Variants in DPP10 observed in about 807,000 individuals in gnomAD.
The protein encoded by DPP10 is inactive dipeptidyl peptidase 10.
DPP10 carries 33 observed loss-of-function variants against 120.9 expected under a neutral mutation model. That is an observed-to-expected ratio of 0.27 (90% CI 0.21 to 0.37). DPP10 has a LOEUF of 0.37. DPP10 is among the 10% of genes least tolerant of loss of function. The probability of loss-of-function intolerance (pLI) is 1.00; values close to 1 mark genes in which losing one functional copy is unlikely to be tolerated. For missense variants in DPP10, 816 were observed against 942.8 expected, an observed-to-expected ratio of 0.87 and a Z score of 1.76; for synonymous variants, 337 against 326.1, an observed-to-expected ratio of 1.03 and a Z score of -0.36.
At chr2:115,398,120 C>G (rs190962018) in intron 3 of DPP10, among the ~76,000 whole-genome samples, 80 of 151,876 alleles carry the variant, frequency 5.3e-4, no homozygotes, top group African/African-American at 1.8e-3. Flanking sequence ...CTTAAAAACT[C>G]ATGGTTTAGA....
intron 1 of DPP10, among the ~76,000 whole-genome samples, chr2:114,453,400 C>T (rs1483957861): frequency 6.6e-6 from 1 of 151,898 alleles, no homozygotes; most frequent in Non-Finnish European, 1.5e-5. Flanking sequence ...GTTTTCTTTC[C>T]TTCATTTCTT....
At chr2:114,623,159 G>A (rs1289195184) in intron 1 of DPP10, among the ~76,000 whole-genome samples, 1 of 152,098 alleles carries the variant, frequency 6.6e-6, no homozygotes, top group East Asian at 1.9e-4. Flanking sequence ...GACCCATGAG[G>A]ATGGTGCAGT....
chr2:114,699,890 A>T (rs547235211), intron 1 of DPP10, among the ~76,000 whole-genome samples: 1 of 152,188 alleles, frequency 6.6e-6, no homozygotes, highest in Non-Finnish European at 1.5e-5. Context: ...TTTGTAATCT[A>T]TTAGTTACGA....
chr2:114,762,162 T>C (rs1371865712), intron 1 of DPP10, among the ~76,000 whole-genome samples: 1 of 152,344 alleles, frequency 6.6e-6, no homozygotes, highest in South Asian at 2.1e-4. Flanking sequence ...GTTTGGCACA[T>C]TCTTAAGGTA....
chr2:115,180,554 A>G (rs530359088), intron 1 of DPP10, among the ~76,000 whole-genome samples: 1 of 152,308 alleles, frequency 6.6e-6, no homozygotes, highest in African/African-American at 2.4e-5. Flanking sequence ...GAAGTTTAAT[A>G]GGAAGTCAGG....
chr2:114,670,438 C>A (rs911649460), intron 1 of DPP10, among the ~76,000 whole-genome samples: 4 of 151,840 alleles, frequency 2.6e-5, no homozygotes, highest in Non-Finnish European at 4.4e-5. Flanking sequence ...GGACAAAAAA[C>A]CAAACACCGC....
chr2:115,586,517 T>C (rs560646707), intron 5 of DPP10, among the ~76,000 whole-genome samples: 4 of 152,300 alleles, frequency 2.6e-5, no homozygotes, highest in African/African-American at 9.6e-5. Context: ...GTTGAAAAAA[T>C]GCCTTATTAC....
At chr2:115,379,030 C>G (rs959600031) in intron 3 of DPP10, among the ~76,000 whole-genome samples, 30 of 152,288 alleles carry the variant, frequency 2.0e-4, no homozygotes, top group African/African-American at 6.3e-4. Flanking sequence ...GGTTGTTTCT[C>G]TGCCCGGCTT....
intron 1 of DPP10, among the ~76,000 whole-genome samples, chr2:115,006,950 C>T (rs1334372943): frequency 3.3e-5 from 5 of 152,058 alleles, no homozygotes; most frequent in Admixed American, 3.3e-4. Context: ...TATTCCAAAA[C>T]TGACCACATA....
chr2:115,745,571 G>A (rs1164180444), intron 9 of DPP10, among the ~76,000 whole-genome samples: 1 of 149,924 alleles, frequency 6.7e-6, no homozygotes, highest in East Asian at 1.9e-4. Flanking sequence ...GGAAAGCCCG[G>A]GAGATTAATG....
rs1686506115 is a variant in DPP10, at chr2:114,536,470, A to G, written c.60+93632A>G. ...ACCCCGGCTGGAGTGCAGTGGTGCCATCTCAGCTCACTGCAACCTCTGTCT... is the reference window on the plus strand; with the variant it reads ...ACCCCGGCTGGAGTGCAGTGGTGCCGTCTCAGCTCACTGCAACCTCTGTCT... On this transcript the variant is annotated intron_variant, in intron 1 of 25. Transcript: ENST00000410059. 2.2e-5 allele frequency among the ~76,000 whole-genome samples: 3 copies of G among 138,064 alleles called. No individual in the cohort carries two copies. The Admixed American group carries it at 2.5e-4, about 11-fold the overall frequency. 90.6% of individuals were successfully genotyped at this position (138,064 alleles called of 152,430 possible).
At chr2:115,521,064 A>G (rs1300014992) in intron 4 of DPP10, among the ~76,000 whole-genome samples, 2 of 152,242 alleles carry the variant, frequency 1.3e-5, no homozygotes, top group Admixed American at 1.3e-4. Context: ...GGCTTAAAGG[A>G]GAAGAATTAG....
chr2:114,608,584 A>G (rs539551743), intron 1 of DPP10, among the ~76,000 whole-genome samples: 4 of 152,270 alleles, frequency 2.6e-5, no homozygotes, highest in African/African-American at 9.6e-5. Context: ...TCATTGTACC[A>G]AAAAGACACA....
chr2:114,450,262 TCA>T (rs1468193910), intron 1 of DPP10, among the ~76,000 whole-genome samples: 3 of 152,150 alleles, frequency 2.0e-5, no homozygotes, highest in African/African-American at 4.8e-5. Flanking sequence ...CAGAATTTTC[TCA>T]GTGAGAATTT....
intron 5 of DPP10, among the ~76,000 whole-genome samples, chr2:115,677,876 C>T (rs1433498354): frequency 6.6e-6 from 1 of 152,114 alleles, no homozygotes; most frequent in African/African-American, 2.4e-5. Context: ...GACAGAGAGT[C>T]AAGAAACATA....
chr2:115,532,968 A>T (rs1470031523), intron 5 of DPP10, among the ~76,000 whole-genome samples: 5 of 152,080 alleles, frequency 3.3e-5, no homozygotes, highest in Admixed American at 3.3e-4. Flanking sequence ...ATCCTTAAAA[A>T]GTCAAGAGTC....
intron 1 of DPP10, among the ~76,000 whole-genome samples, chr2:114,532,457 G>C (rs1361786825): frequency 6.6e-6 from 1 of 151,134 alleles, no homozygotes; most frequent in Non-Finnish European, 1.5e-5. Context: ...AAATTATATA[G>C]TAATCACCTA....
At chr2:114,841,704 A>G (rs1216977039) in intron 1 of DPP10, among the ~76,000 whole-genome samples, 1 of 152,088 alleles carries the variant, frequency 6.6e-6, no homozygotes, top group Non-Finnish European at 1.5e-5. Flanking sequence ...TAAAGTTAAG[A>G]ATCAAAGTGG....
At chr2:115,737,717 A>G (rs1336088125) in intron 8 of DPP10, among the ~76,000 whole-genome samples, 1 of 152,196 alleles carries the variant, frequency 6.6e-6, no homozygotes, top group Admixed American at 6.5e-5. Flanking sequence ...AACAGAGAAC[A>G]TATGTCAATG....
Sources: allele counts gnomAD v4.1 joint callset (sites outside exome capture counted in the v4.1 genomes callset), GRCh38; gene constraint gnomAD v4.1.1; transcripts MANE v1.5; gene names NCBI Gene and HGNC (gene_info 2026-07-23, HGNC 2026-07-21).